The following IL1RAPL2 variants were observed in gnomAD, a reference collection of about 807,000 sequenced individuals.
IL1RAPL2 encodes X-linked interleukin-1 receptor accessory protein-like 2.
Under a neutral mutation model 44.1 loss-of-function variants are expected in IL1RAPL2, and 3 were observed. The ratio of observed to expected loss-of-function variants is 0.07; its 90% CI spans 0.03 to 0.18. The LOEUF is 0.18. IL1RAPL2 is among the 10% of genes least tolerant of loss of function. IL1RAPL2 has a pLI of 1.00. For synonymous variants in IL1RAPL2, 181 were observed against 178.8 expected (o/e 1.01, Z -0.10); for missense variants, 391 against 496.4 (o/e 0.79, Z 2.02).
At chrX:105,136,322 A>G (rs986893613) in intron 2 of IL1RAPL2, among the ~76,000 whole-genome samples, 3 of 112,054 alleles carry the variant, frequency 2.7e-5, no homozygotes, top group Non-Finnish European at 3.8e-5. Flanking sequence ...TTTCTCTGGT[A>G]TTAATTTTGC....
At chrX:104,812,711 G>A (rs1354046799) in intron 2 of IL1RAPL2, among the ~76,000 whole-genome samples, 5 of 111,116 alleles carry the variant, frequency 4.5e-5, no homozygotes, top group Non-Finnish European at 9.4e-5. Flanking sequence ...CTATTTAAGT[G>A]TTATGGGGTT....
chrX:104,941,587 T>C (rs1925176841), intron 2 of IL1RAPL2, among the ~76,000 whole-genome samples: 1 of 111,835 alleles, frequency 8.9e-6, no homozygotes, highest in Admixed American at 9.5e-5. Context: ...TCTTTGTAGA[T>C]TCTGGATATT....
At chrX:104,836,213 C>T (rs914449215) in intron 2 of IL1RAPL2, among the ~76,000 whole-genome samples, 1 of 110,333 alleles carries the variant, frequency 9.1e-6, no homozygotes, top group Non-Finnish European at 1.9e-5. Flanking sequence ...AAAATTGAAA[C>T]AATTAAACTC....
At chrX:104,598,297 A>G (rs1355146927) in intron 1 of IL1RAPL2, among the ~76,000 whole-genome samples, 1 of 111,535 alleles carries the variant, frequency 9.0e-6, no homozygotes, top group Non-Finnish European at 1.9e-5. Flanking sequence ...TGTAGGTAGG[A>G]TGGGAGCAAG....
At chrX:105,545,338 G>A (rs1422527232) in intron 6 of IL1RAPL2, among the ~76,000 whole-genome samples, 2 of 111,978 alleles carry the variant, frequency 1.8e-5, no homozygotes, top group East Asian at 5.6e-4. Flanking sequence ...ATAGAATTCT[G>A]TTTTGGTAGT....
At chrX:105,192,859 ATACTC>A (rs2033644135) in intron 2 of IL1RAPL2, among the ~76,000 whole-genome samples, 2 of 112,314 alleles carry the variant, frequency 1.8e-5, no homozygotes, top group Middle Eastern at 4.6e-3. Context: ...TTATAACTAA[ATACTC>A]TGATACCTAA....
At chrX:105,660,611 A>T (rs1029498435) in intron 6 of IL1RAPL2, among the ~76,000 whole-genome samples, 5 of 111,610 alleles carry the variant, frequency 4.5e-5, no homozygotes, top group Non-Finnish European at 9.4e-5. Context: ...ATAGAAATTT[A>T]AAAAAGTTAA....
chrX:104,998,970 T>C (rs1390956778), intron 2 of IL1RAPL2, among the ~76,000 whole-genome samples: 7 of 110,892 alleles, frequency 6.3e-5, no homozygotes, highest in East Asian at 2.9e-4. Flanking sequence ...CTGGCTAACA[T>C]TTGTGTTTTG....
chrX:104,593,440 C>T (rs1928706776), intron 1 of IL1RAPL2, among the ~76,000 whole-genome samples: 1 of 111,947 alleles, frequency 8.9e-6, no homozygotes, highest in South Asian at 3.7e-4. Flanking sequence ...AGTTGAGTAA[C>T]CTTGAGAAAA....
intron 2 of IL1RAPL2, among the ~76,000 whole-genome samples, chrX:104,951,256 C>G (rs1019518615): frequency 3.6e-5 from 4 of 112,300 alleles, no homozygotes; most frequent in African/African-American, 1.3e-4. Flanking sequence ...ATAACATTTG[C>G]TACAGTTCCA....
At chrX:105,570,316 G>A (rs2037005211) in intron 6 of IL1RAPL2, among the ~76,000 whole-genome samples, 1 of 112,046 alleles carries the variant, frequency 8.9e-6, no homozygotes, top group Admixed American at 9.5e-5. Context: ...TTATGGCTAG[G>A]TAATATTCCA....
In IL1RAPL2 at chrX:105,517,216, CAAG is replaced by C. The variant is rs756897997; in HGVS notation, c.772+32832_772+32834del. Among the ~76,000 whole-genome samples, 280 of 111,889 alleles carry C rather than the reference CAAG, an allele frequency of 2.5e-3. 1 individual carries two copies. Among genetic ancestry groups the C allele is most frequent in the African/African-American group, 8.6e-3 (264 of 30,867 alleles). On this transcript the variant is annotated intron_variant, in intron 6 of 10. Transcript: ENST00000372582. ...ATGAAGTGTCCACAGATCATTCTCT[CAAG>C]AAACTCACTGTCTAGTGTTAGTAGA...
At chrX:105,416,084 G>T (rs181980746) in intron 5 of IL1RAPL2, among the ~76,000 whole-genome samples, 1 of 111,575 alleles carries the variant, frequency 9.0e-6, no homozygotes, top group African/African-American at 3.3e-5. Context: ...AAAACCTTTT[G>T]GCTTATATTT....
At chrX:104,649,131 C>T (rs1220218016) in intron 1 of IL1RAPL2, among the ~76,000 whole-genome samples, 2 of 110,460 alleles carry the variant, frequency 1.8e-5, no homozygotes, top group African/African-American at 6.6e-5. Context: ...GTGTCCTATC[C>T]ACCTGACTCT....
chrX:105,544,519 A>C (rs181299157), intron 6 of IL1RAPL2, among the ~76,000 whole-genome samples: 3 of 111,142 alleles, frequency 2.7e-5, no homozygotes, highest in Non-Finnish European at 5.7e-5. Context: ...TGTATCTCAG[A>C]GTCAGTATGG....
rs149234956 is a variant in IL1RAPL2 at position 105,443,984 on chromosome X, C to T, written c.698-40329C>T. ...ACAGTGAACAAGGGTTCCCTTTTCTCCACGTCCTTGCCAGCATTTGGTATT... is the reference window on the plus strand; with the variant it reads ...ACAGTGAACAAGGGTTCCCTTTTCTTCACGTCCTTGCCAGCATTTGGTATT... On this transcript the variant is annotated intron_variant, in intron 5 of 10. Transcript: ENST00000372582. 5.5e-3 allele frequency among the ~76,000 whole-genome samples: 613 copies of T among 112,225 alleles called. 5 individuals are homozygous for T. Among genetic ancestry groups the T allele is most frequent in the African/African-American group, 0.018 (570 of 30,930 alleles).
In IL1RAPL2 at chrX:105,326,412, T is replaced by G. The variant is rs147642527; in HGVS notation, c.697+58871T>G. On this transcript the variant is annotated intron_variant, in intron 5 of 10. Coordinates refer to ENST00000372582, the MANE Select transcript of IL1RAPL2 (RefSeq NM_017416.2). The stretch of plus-strand genomic sequence containing the variant: ...AAGCACAACAATTTTTGAAAATTTT[T>G]TACGAAGTCCAATTGACCTAATTTT... Among the ~76,000 whole-genome samples the G allele has an allele frequency of 1.1e-3, 120 of 111,164 alleles. 1 individual carries two copies. The highest frequency in any genetic ancestry group is 3.7e-3 in the African/African-American group (114 of 30,586).
chrX:104,795,165 G>A (rs1405563550), intron 2 of IL1RAPL2, among the ~76,000 whole-genome samples: 1 of 111,501 alleles, frequency 9.0e-6, no homozygotes, highest in African/African-American at 3.3e-5. Flanking sequence ...GGAGAATGGT[G>A]GGTAGAGGGG....
chrX:105,539,751 A>T (rs1362492445), intron 6 of IL1RAPL2, among the ~76,000 whole-genome samples: 1 of 112,035 alleles, frequency 8.9e-6, no homozygotes, highest in Non-Finnish European at 1.9e-5. Flanking sequence ...ACAATGGGAG[A>T]AAATATTTGC....
Sources: allele counts gnomAD v4.1 joint callset (sites outside exome capture counted in the v4.1 genomes callset), GRCh38; gene constraint gnomAD v4.1.1; transcripts MANE v1.5; gene names NCBI Gene and HGNC (gene_info 2026-07-23, HGNC 2026-07-21).